The following PIP4P2 variants were observed in gnomAD, a reference collection of about 807,000 sequenced individuals.
PIP4P2 encodes the protein phosphatidylinositol-4,5-bisphosphate 4-phosphatase 2.
In PIP4P2, 19 loss-of-function variants were observed where a neutral mutation model predicts 33.3. The ratio of observed to expected loss-of-function variants is 0.57; its 90% CI spans 0.40 to 0.84. The LOEUF is 0.84. PIP4P2 is among the 40% of genes least tolerant of loss of function. The pLI is 0.00. For synonymous variants in PIP4P2, 110 were observed against 111.9 expected (o/e 0.98, Z 0.11); for missense variants, 270 against 324.7 (o/e 0.83, Z 1.29).
intron 5 of PIP4P2, among the ~76,000 whole-genome samples, chr8:91,008,332 T>C (rs1364446247): frequency 6.6e-6 from 1 of 152,186 alleles, no homozygotes; most frequent in Non-Finnish European, 1.5e-5. Context: ...CTATCAGTAA[T>C]AATCTTATTA....
At chr8:90,996,468 C>T (rs553569214) in intron 6 of PIP4P2, among the ~76,000 whole-genome samples, 186 bp downstream of exon 6, 21 of 151,960 alleles carry the variant, frequency 1.4e-4, no homozygotes, top group East Asian at 9.7e-4. Context: ...CTTGGATGGG[C>T]GAGTTCAATC....
At position 91,028,036 on chromosome 8, in the gene PIP4P2, T is replaced by C. The variant is rs1812106234; in HGVS notation, c.107-6632A>G. On this transcript the variant is annotated intron_variant, in intron 1 of 6. Transcript: ENST00000285419. ...GATTTCAATGAGGATGATGAAATCCTGGAGTAACAGGCCAAATAGCAGCAA... is the reference window on the plus strand; with the variant it reads ...GATTTCAATGAGGATGATGAAATCCCGGAGTAACAGGCCAAATAGCAGCAA... Among the ~76,000 whole-genome samples, 5 of 152,192 alleles carry C rather than the reference T, an allele frequency of 3.3e-5. No homozygotes were observed. The South Asian group carries it at 1.0e-3, about 31-fold the overall frequency.
chr8:90,996,715 C>G lies in PIP4P2; in HGVS notation c.569G>C (p.Arg190Thr), dbSNP rs775495620. 1.9e-5 allele frequency: 30 copies of G among 1,609,374 alleles called. No homozygotes were observed. Among genetic ancestry groups the G allele is most frequent in the Non-Finnish European group, 2.3e-5 (27 of 1,177,672 alleles). ...ISSVGSALPR[R>T]RCCAYITIGM... ...AATGGTAATATATGCACAGCAGCGT[C>G]TTCGTGGAAGTGCACTACCCACTGA... Residue 190 changes from arginine to threonine, a missense_variant, in exon 6 of 7, where the codon AGA becomes ACA. Coordinates refer to ENST00000285419, the MANE Select transcript of PIP4P2 (RefSeq NM_018710.3).
intron 1 of PIP4P2, among the ~76,000 whole-genome samples, chr8:91,032,739 C>A (rs1257139251): frequency 6.8e-6 from 1 of 147,254 alleles, no homozygotes; most frequent in African/African-American, 2.5e-5. Context: ...CGAGATCATG[C>A]CACTGCACTC....
intron 3 of PIP4P2, among the ~76,000 whole-genome samples, chr8:91,019,411 AAAAAAAAAAAAAAT>A (rs1563566073): frequency 8.7e-5 from 12 of 138,290 alleles, no homozygotes; most frequent in African/African-American, 2.8e-4. Flanking sequence ...AAAAAAAAAA[AAAAAAAAAAAAAAT>A]ATATTACCTG....
chr8:91,025,410 C>A (rs1261923037), intron 1 of PIP4P2, among the ~76,000 whole-genome samples: 6 of 152,144 alleles, frequency 3.9e-5, no homozygotes, highest in African/African-American at 1.4e-4. Flanking sequence ...TATTTTATGC[C>A]AAACAGCCCC....
intron 4 of PIP4P2, among the ~76,000 whole-genome samples, chr8:91,018,139 C>T (rs1020783846): frequency 3.9e-5 from 6 of 152,092 alleles, no homozygotes; most frequent in African/African-American, 7.2e-5. Context: ...AGCCTGGGCA[C>T]GATTTCTCAT....
chr8:91,013,039 G>A (rs147638786), intron 4 of PIP4P2, among the ~76,000 whole-genome samples: 1 of 151,976 alleles, frequency 6.6e-6, no homozygotes, highest in Non-Finnish European at 1.5e-5. Context: ...AATTCTTTAT[G>A]CTATTCTTGA....
At chr8:91,037,776 C>G (rs1487196673) in intron 1 of PIP4P2, among the ~76,000 whole-genome samples, 1 of 152,024 alleles carries the variant, frequency 6.6e-6, no homozygotes, top group Admixed American at 6.6e-5. Flanking sequence ...ATGAGACAAC[C>G]CCAGATATAA....
At chr8:91,002,875 A>T (rs73299954) in intron 5 of PIP4P2, among the ~76,000 whole-genome samples, 15,458 of 152,176 alleles carry the variant, frequency 0.1, 2,180 homozygotes, top group African/African-American at 0.31. Context: ...TGTTTGTGGA[A>T]GTAGAAGTGC....
intron 1 of PIP4P2, among the ~76,000 whole-genome samples, chr8:91,030,175 T>C (rs1319568114): frequency 1.4e-5 from 2 of 146,620 alleles, no homozygotes; most frequent in African/African-American, 2.5e-5. Flanking sequence ...ATTTGTGCCA[T>C]TGCACAACAG....
intron 3 of PIP4P2, among the ~76,000 whole-genome samples, chr8:91,019,074 GA>G (rs938171147): frequency 6.6e-6 from 1 of 151,508 alleles, no homozygotes; most frequent in African/African-American, 2.4e-5. Context: ...AGAGATCACA[GA>G]AAAAAAACAC....
At chr8:91,031,779 A>T (rs188717893) in intron 1 of PIP4P2, among the ~76,000 whole-genome samples, 1 of 152,364 alleles carries the variant, frequency 6.6e-6, no homozygotes, top group African/African-American at 2.4e-5. Context: ...TGGAAGGAAT[A>T]GCTATTTAGG....
chr8:91,024,133 A>G (rs1266953523), intron 1 of PIP4P2, among the ~76,000 whole-genome samples: 1 of 152,144 alleles, frequency 6.6e-6, no homozygotes, highest in Admixed American at 6.5e-5. Flanking sequence ...TCAATCCAAG[A>G]GATCAATAGA....
At chr8:91,039,004 A>G (rs1812270221) in intron 1 of PIP4P2, among the ~76,000 whole-genome samples, 1 of 152,212 alleles carries the variant, frequency 6.6e-6, no homozygotes, top group African/African-American at 2.4e-5. Flanking sequence ...GGAAAATAAT[A>G]AAGATGTCTA....
intron 1 of PIP4P2, among the ~76,000 whole-genome samples, chr8:91,031,818 T>A (rs1384471935): frequency 6.6e-6 from 1 of 151,778 alleles, no homozygotes; most frequent in Admixed American, 6.6e-5. Context: ...AGTAAAAGAG[T>A]GAGATAAGAA....
Position 90,995,647 on chromosome 8 carries a change from C to T in PIP4P2, c.*30G>A. 6.3e-7 allele frequency: 1 copy of T among 1,597,466 alleles called. No individual in the cohort carries two copies. Among genetic ancestry groups the T allele is most frequent in the Non-Finnish European group, 8.5e-7 (1 of 1,174,406 alleles). Reference sequence around the variant, plus strand: ...AGCTTACCAAGAACTGCTAGACACTCTCACCTGCATTACTGAATCATAAAC... The same window carrying T: ...AGCTTACCAAGAACTGCTAGACACTTTCACCTGCATTACTGAATCATAAAC... On this transcript the variant is annotated 3_prime_UTR_variant, in exon 7 of 7. Coordinates refer to ENST00000285419, the MANE Select transcript of PIP4P2 (RefSeq NM_018710.3).
At chr8:91,014,552 T>C (rs750046539) in intron 4 of PIP4P2, among the ~76,000 whole-genome samples, 29 of 152,008 alleles carry the variant, frequency 1.9e-4, no homozygotes, top group Non-Finnish European at 7.4e-5. Context: ...GTTTAATTCA[T>C]AGAAGCAGAG....
At chr8:91,020,914 A>G (rs1368330125) in intron 2 of PIP4P2, among the ~76,000 whole-genome samples, 1 of 152,230 alleles carries the variant, frequency 6.6e-6, no homozygotes, top group Non-Finnish European at 1.5e-5. Context: ...AGTTTAGTAC[A>G]CAATATTTTC....
Sources: gnomAD v4.1 joint callset for allele counts (sites outside exome capture counted in the v4.1 genomes callset) on GRCh38, gnomAD v4.1.1 for gene constraint, MANE v1.5 for transcripts, NCBI Gene and HGNC (gene_info 2026-07-23, HGNC 2026-07-21) for gene names.